Variants in RLN2 observed in about 807,000 individuals in gnomAD.
RLN2 encodes the protein relaxin 2.
In RLN2, 10 loss-of-function variants were observed where a neutral mutation model predicts 7.3. The ratio of observed to expected loss-of-function variants is 1.36; its 90% CI spans 0.84 to 2.31. The LOEUF (loss-of-function observed/expected upper bound fraction) is 2.31, where lower values mean the gene tolerates loss of function less well. Ranked by LOEUF, RLN2 falls within the 30% of genes most tolerant of loss-of-function variation. RLN2 has a pLI of 0.00. For missense variants in RLN2, 298 were observed against 217.6 expected (o/e 1.37, Z -2.32); for synonymous variants, 103 against 82.3 (o/e 1.25, Z -1.36).
At chr9:5,302,361 A>G (rs1359912346) in intron 1 of RLN2, among the ~76,000 whole-genome samples, 1 of 152,212 alleles carries the variant, frequency 6.6e-6, no homozygotes, top group Non-Finnish European at 1.5e-5. Flanking sequence ...AAAGGGATGC[A>G]GTGAATATGA....
chr9:5,325,138 CTTAA>C, the RLN2 span, among the ~76,000 whole-genome samples: 1 of 151,674 alleles, frequency 6.6e-6, no homozygotes, highest in Admixed American at 6.6e-5. Flanking sequence ...TATTGCTGGC[CTTAA>C]TTATTACTAT....
chr9:5,327,619 C>G, the RLN2 span, among the ~76,000 whole-genome samples: 1,202 of 152,120 alleles, frequency 7.9e-3, 31 homozygotes, highest in African/African-American at 0.028. Flanking sequence ...GTCCCTGACC[C>G]CTGTGTAGCC....
chr9:5,331,129 C>G, the RLN2 span, among the ~76,000 whole-genome samples: 3 of 151,948 alleles, frequency 2.0e-5, no homozygotes, highest in Non-Finnish European at 4.4e-5. Flanking sequence ...CAAAAAATGT[C>G]CAGGACCAGA....
chr9:5,328,011 G>A, the RLN2 span, among the ~76,000 whole-genome samples: 6 of 151,932 alleles, frequency 3.9e-5, no homozygotes, highest in Non-Finnish European at 8.8e-5. Flanking sequence ...CTTCTCCAAA[G>A]GATCACACCT....
the RLN2 span, among the ~76,000 whole-genome samples, chr9:5,313,108 G>A: frequency 6.6e-6 from 1 of 151,972 alleles, no homozygotes; most frequent in Non-Finnish European, 1.5e-5. Context: ...GACCCAAAGT[G>A]TAGTTCAAGT....
At chr9:5,311,822 T>A in the RLN2 span, 1 of 620,190 alleles carries the variant, frequency 1.6e-6, no homozygotes, top group African/African-American at 1.9e-5. Flanking sequence ...TTTTAGTATT[T>A]TTTTTCTTTT....
the RLN2 span, among the ~76,000 whole-genome samples, chr9:5,331,294 A>T: frequency 6.6e-6 from 1 of 152,048 alleles, no homozygotes; most frequent in African/African-American, 2.4e-5. Context: ...CAATAAAAAA[A>T]GAGATTTTAG....
chr9:5,300,277 C>G lies in RLN2; in HGVS notation c.379G>C (p.Glu127Gln). ...TTGCGAATAAGTTTCTTAAATTCTT[C>G]AAAGAGAAGACTGGAATCTTTTAAT... ...PVLKDSSLLF[E>Q]EFKKLIRNRQ... Residue 127 changes from glutamate to glutamine, a missense_variant, in exon 2 of 2, where the codon GAA becomes CAA. Coordinates refer to ENST00000381627, the MANE Select transcript of RLN2 (RefSeq NM_134441.3). 6.2e-7 allele frequency: 1 copy of G among 1,613,994 alleles called. No individual in the cohort carries two copies. Among genetic ancestry groups the G allele is most frequent in the Middle Eastern group, 1.6e-4 (1 of 6,062 alleles).
chr9:5,327,966 C>T, the RLN2 span, among the ~76,000 whole-genome samples: 1 of 151,948 alleles, frequency 6.6e-6, no homozygotes, highest in South Asian at 2.1e-4. Flanking sequence ...GAAACCAGAG[C>T]AGAAAAGCTG....
the RLN2 span, among the ~76,000 whole-genome samples, chr9:5,318,212 T>C: frequency 6.6e-6 from 1 of 152,014 alleles, no homozygotes; most frequent in Non-Finnish European, 1.5e-5. Flanking sequence ...AACATTATAA[T>C]AAGATGACTT....
the RLN2 span, among the ~76,000 whole-genome samples, chr9:5,322,989 T>C: frequency 6.6e-6 from 1 of 151,690 alleles, no homozygotes; most frequent in Non-Finnish European, 1.5e-5. Context: ...TTCCCATTTG[T>C]AAAGGACATT....
chr9:5,320,572 T>C, the RLN2 span, among the ~76,000 whole-genome samples: 1 of 151,582 alleles, frequency 6.6e-6, no homozygotes, highest in Non-Finnish European at 1.5e-5. Flanking sequence ...AGTTTCACCA[T>C]GTGGGCCAGG....
the RLN2 span, among the ~76,000 whole-genome samples, chr9:5,324,654 T>C: frequency 3.3e-5 from 5 of 152,036 alleles, no homozygotes; most frequent in African/African-American, 1.2e-4. Flanking sequence ...AAATATTTCT[T>C]CTTCTAAGAA....
chr9:5,308,672 T>G (rs1468115620), upstream of RLN2, among the ~76,000 whole-genome samples: 2 of 152,002 alleles, frequency 1.3e-5, no homozygotes, highest in African/African-American at 4.8e-5. Flanking sequence ...AGGCCTAAAA[T>G]TAATCCCAAC....
At chr9:5,307,794 C>A (rs1004751345), upstream of RLN2, among the ~76,000 whole-genome samples, 17 of 152,026 alleles carry the variant, frequency 1.1e-4, no homozygotes, top group African/African-American at 4.1e-4. Flanking sequence ...AATTCCTTTG[C>A]TTGTGGCCTT....
At chr9:5,315,460 A>C in the RLN2 span, among the ~76,000 whole-genome samples, 46,920 of 151,608 alleles carry the variant, frequency 0.31, 7,764 homozygotes, top group East Asian at 0.5. Flanking sequence ...ACGGGACATC[A>C]TTAAGCAAAC....
chr9:5,320,615 C>T, the RLN2 span, among the ~76,000 whole-genome samples: 1 of 152,146 alleles, frequency 6.6e-6, no homozygotes, highest in South Asian at 2.1e-4. Context: ...AGGGGATCCG[C>T]CCACCTCAGC....
At chr9:5,311,252 T>C in the RLN2 span, among the ~76,000 whole-genome samples, 1 of 151,858 alleles carries the variant, frequency 6.6e-6, no homozygotes, top group African/African-American at 2.4e-5. Context: ...TTATTTCACA[T>C]GTACAAGATG....
chr9:5,327,611 C>T, the RLN2 span, among the ~76,000 whole-genome samples: 2 of 152,012 alleles, frequency 1.3e-5, no homozygotes, highest in African/African-American at 4.8e-5. Context: ...TCAAGCAGGT[C>T]CCTGACCCCT....
Sources: allele counts gnomAD v4.1 joint callset (sites outside exome capture counted in the v4.1 genomes callset), GRCh38; gene constraint gnomAD v4.1.1; transcripts MANE v1.5; gene names NCBI Gene and HGNC (gene_info 2026-07-23, HGNC 2026-07-21).